The following PFAS variants were observed in gnomAD, a reference collection of about 807,000 sequenced individuals.
PFAS encodes FGAM synthase.
A neutral mutation model predicts 140.6 loss-of-function variants in PFAS; 97 were observed. The ratio of observed to expected loss-of-function variants is 0.69; its 90% confidence interval spans 0.59 to 0.82. The LOEUF (loss-of-function observed/expected upper bound fraction) is 0.82, where lower values mean the gene tolerates loss of function less well. Ranked by LOEUF, PFAS falls within the 40% of genes least tolerant of loss-of-function variation. PFAS has a pLI of 0.00. For synonymous variants in PFAS, 679 were observed against 718.8 expected (o/e 0.94, Z 0.88); for missense variants, 1,656 against 1,780.2 (o/e 0.93, Z 1.26).
chr17:8,261,901 A>G (rs773653852), intron 11 of PFAS, among the ~76,000 whole-genome samples: 3 of 151,812 alleles, frequency 2.0e-5, no homozygotes, highest in Non-Finnish European at 4.4e-5. Context: ...GAGTTCTCCC[A>G]CAGTTTCTAC....
In PFAS at chr17:8,270,320, G is replaced by A. The variant is rs1989971001; in HGVS notation, c.*1056G>A. ...TGCAAAGCACTGTCACCGGCCTCAG[G>A]GAGTTTATGTGTAATAGAATTAAAA... On this transcript the variant is annotated 3_prime_UTR_variant, in exon 28 of 28. Coordinates refer to ENST00000314666, the MANE Select transcript of PFAS (RefSeq NM_012393.3). 6.6e-6 allele frequency: 1 copy of A among 151,622 alleles called. No homozygotes were observed. The highest frequency in any genetic ancestry group is 2.4e-5 in the African/African-American group (1 of 40,912). 9.4% of individuals were successfully genotyped at this position (151,622 alleles called of 1,614,324 possible).
chr17:8,263,560 C>G lies in PFAS; in HGVS notation c.1568-15C>G. 6.2e-7 allele frequency: 1 copy of G among 1,612,080 alleles called. No homozygotes were observed. On this transcript the variant is annotated splice_polypyrimidine_tract_variant and intron_variant, in intron 13 of 27. Coordinates refer to ENST00000314666, the MANE Select transcript of PFAS (RefSeq NM_012393.3). ...ACCACTAGGTCACTGCTTCTCCTTG[C>G]AACCCTCTCACCAGGCAATGTCCTA...
At chr17:8,253,710 T>C (rs1989247405) in intron 1 of PFAS, 149 bp from the exon 2 acceptor site, 1 of 379,036 alleles carries the variant, frequency 2.6e-6, no homozygotes, top group Non-Finnish European at 4.5e-6. Context: ...CAGCTAATTT[T>C]ATATTTTTAG....
upstream of PFAS, among the ~76,000 whole-genome samples, chr17:8,248,410 A>ATT (rs35534210): frequency 0.02 from 1,355 of 67,588 alleles, 106 homozygotes; most frequent in African/African-American, 0.08. Flanking sequence ...CGCCCGGCTA[A>ATT]TTTTTTTTTT....
At position 8,268,605 on chromosome 17, in the gene PFAS, C is replaced by G; in HGVS notation, c.3455C>G (p.Thr1152Ser). 1 of 1,613,526 alleles carries G rather than the reference C, an allele frequency of 6.2e-7. No individual in the cohort carries two copies. Residue 1152 changes from threonine (T) to serine (S), a missense_variant, in exon 27 of 28, where the codon ACC (threonine) becomes AGC (serine). Thr to Ser is a moderately conservative substitution (Grantham distance 58). Coordinates refer to ENST00000314666, the MANE Select transcript of PFAS (RefSeq NM_012393.3). The part of the protein sequence containing the change: ...ELRRFRKRPD[T>S]FSLGVCNGCQ... ...AGGCGCTTCCGGAAGCGGCCAGACA[C>G]CTTCAGCCTGGGCGTGTGTAATGGC...
intron 11 of PFAS, among the ~76,000 whole-genome samples, chr17:8,259,119 CACT>C (rs990867426): frequency 4.5e-5 from 6 of 134,016 alleles, no homozygotes; most frequent in African/African-American, 1.0e-4. Context: ...GCGATCGCAC[CACT>C]GTCAAAAAAA....
At position 8,267,074 on chromosome 17, in the gene PFAS, G is replaced by T. The variant is rs1394464349; in HGVS notation, c.3014G>T (p.Gly1005Val). The change falls in exon 24 of 28, where the codon GGG becomes GTG. Residue 1005 changes from glycine (G) to valine (V), a missense_variant. Gly to Val is a moderately radical substitution (Grantham distance 109, BLOSUM62 -3). Around this residue, in one of 2 missense-constraint regions of PFAS, gnomAD observed 883 missense variants for 1,023.0 expected, o/e 0.86. Coordinates refer to ENST00000314666, the MANE Select transcript of PFAS (RefSeq NM_012393.3). The surrounding 1 kb of genome is among the most constrained non-coding windows in gnomAD (Gnocchi z 4.9). ...NGAVVLEEPV[G>V]ELRALWEETS... The stretch of plus-strand genomic sequence containing the variant: ...GCTGTGGTTCTGGAGGAGCCTGTTG[G>T]GGAGCTGCGAGCCCTCTGGGAGGAG... The T allele has an allele frequency of 6.2e-7, 1 of 1,614,046 alleles. No homozygotes were observed. Among genetic ancestry groups the T allele is most frequent in the South Asian group, 1.1e-5 (1 of 91,074 alleles).
chr17:8,256,153 C>T lies in PFAS; in HGVS notation c.681-114C>T, dbSNP rs1175760895. On this transcript the variant is annotated intron_variant, in intron 6 of 27. Transcript: ENST00000314666. ...CTTTTTGGAATATATTTTGATCTGTCATCTAAGTATGAATTTGGCTGTAAC... is the reference window on the plus strand; with the variant it reads ...CTTTTTGGAATATATTTTGATCTGTTATCTAAGTATGAATTTGGCTGTAAC... The T allele has an allele frequency of 5.9e-6, 6 of 1,025,418 alleles. No individual in the cohort carries two copies. In the African/African-American group the frequency reaches 8.1e-5, roughly 14 times the overall value. 63.5% of individuals were successfully genotyped at this position (1,025,418 alleles called of 1,614,324 possible). A position where few individuals can be genotyped will look rare whatever the true frequency, so the allele number is the denominator to read the frequency against.
Position 8,268,595 on chromosome 17 carries a change from C to G in PFAS, c.3445C>G (p.Arg1149Gly). 1 of 1,613,102 alleles carries G rather than the reference C, an allele frequency of 6.2e-7. No individual in the cohort carries two copies. Among genetic ancestry groups the G allele is most frequent in the East Asian group, 2.2e-5 (1 of 44,808 alleles). Residue 1149 changes from arginine (R) to glycine (G), a missense_variant, in exon 27 of 28, where the codon CGG becomes GGG. Around this residue, in one of 2 missense-constraint regions of PFAS, gnomAD observed 883 missense variants for 1,023.0 expected, o/e 0.86. Coordinates refer to ENST00000314666, the MANE Select transcript of PFAS (RefSeq NM_012393.3). ...GGCTGAGCTGAGGCGCTTCCGGAAG[C>G]GGCCAGACACCTTCAGCCTGGGCGT... ...AGAELRRFRK[R>G]PDTFSLGVCN...
At position 8,267,196 on chromosome 17, in the gene PFAS, C is replaced by G. The variant is rs753450953; in HGVS notation, c.3136C>G (p.Pro1046Ala). The stretch of plus-strand genomic sequence containing the variant: ...GCGGATGGGGCCCAGCTATTGCCTG[C>G]CCCCCACCTTTCCCAAAGCCTCCGT... ...RERMGPSYCL[P>A]PTFPKASVPR... Residue 1046 changes from proline to alanine, a missense_variant, in exon 24 of 28, where the codon CCC becomes GCC. By Grantham distance (27) the Pro-to-Ala change is conservative (BLOSUM62 -1). Around this residue, in one of 2 missense-constraint regions of PFAS, gnomAD observed 883 missense variants for 1,023.0 expected, o/e 0.86. Coordinates refer to ENST00000314666, the MANE Select transcript of PFAS (RefSeq NM_012393.3). This position sits in a 1 kb window ranked among gnomAD's most constrained non-coding sequence, Gnocchi z 4.9. 6.2e-7 allele frequency: 1 copy of G among 1,605,438 alleles called. No homozygotes were observed. Among genetic ancestry groups the G allele is most frequent in the Admixed American group, 1.7e-5 (1 of 58,636 alleles).
intron 9 of PFAS, among the ~76,000 whole-genome samples, chr17:8,257,523 G>A (rs182129351): frequency 1.3e-5 from 2 of 152,000 alleles, no homozygotes; most frequent in Non-Finnish European, 2.9e-5. Flanking sequence ...GCCACTGCAC[G>A]CTAGCCTGGG....
chr17:8,247,995 A>C (rs373483074), upstream of PFAS: 3 of 1,563,522 alleles, frequency 1.9e-6, 1 homozygote, highest in East Asian at 5.0e-5. Context: ...ACGTAATAGC[A>C]GCACTCACGG....
Position 8,267,677 on chromosome 17 carries a change from G to A in PFAS, c.3382+12G>A. The A allele has an allele frequency of 6.9e-7, 1 of 1,450,822 alleles. No homozygotes were observed. Among genetic ancestry groups the A allele is most frequent in the South Asian group, 1.2e-5 (1 of 86,274 alleles). 89.9% of individuals were successfully genotyped at this position (1,450,822 alleles called of 1,614,324 possible). On this transcript the variant is annotated intron_variant, in intron 26 of 27. Transcript: ENST00000314666. The surrounding 1 kb of genome is among the most constrained non-coding windows in gnomAD (Gnocchi z 4.9). The stretch of plus-strand genomic sequence containing the variant: ...GGGCTCTGCCAAAGGTCAGTGTGCA[G>A]GCTTCTGCCCACTCCCTTCCCCCAC...
In PFAS at chr17:8,266,587, A is replaced by G; in HGVS notation, c.2822-166A>G. On this transcript the variant is annotated intron_variant, in intron 22 of 27. Transcript: ENST00000314666. This position sits in a 1 kb window ranked among gnomAD's most constrained non-coding sequence, Gnocchi z 5.0. ...CCATCCCTGAGATGTCCATGATGAA[A>G]CATCCTCAGTCCTGCCGTCCTAGCC... 1 of 1,462,838 alleles carries G rather than the reference A, an allele frequency of 6.8e-7. No individual in the cohort carries two copies. Among genetic ancestry groups the G allele is most frequent in the Non-Finnish European group, 9.0e-7 (1 of 1,113,568 alleles). 90.6% of individuals were successfully genotyped at this position (1,462,838 alleles called of 1,614,324 possible). A position where few individuals can be genotyped will look rare whatever the true frequency, so the allele number is the denominator to read the frequency against.
In PFAS at chr17:8,265,997, T is replaced by C. The variant is rs776291829; in HGVS notation, c.2681T>C (p.Ile894Thr). 48 of 1,610,790 alleles carry C rather than the reference T, an allele frequency of 3.0e-5. No homozygotes were observed. The Admixed American group carries it at 7.9e-4, about 26-fold the overall frequency. ...GAGAACTTGGTGCGGGCCTTCAGCATCACTCAGGGGCTGCTGAAAGGTGAG... is the reference window on the plus strand; with the variant it reads ...GAGAACTTGGTGCGGGCCTTCAGCACCACTCAGGGGCTGCTGAAAGGTGAG... ...LPENLVRAFS[I>T]TQGLLKDRLL... The change falls in exon 21 of 28, where the codon ATC becomes ACC. Residue 894 changes from isoleucine to threonine, a missense_variant. By Grantham distance (89) the Ile-to-Thr change is moderately conservative. Around this residue, in one of 2 missense-constraint regions of PFAS, gnomAD observed 883 missense variants for 1,023.0 expected, o/e 0.86. Transcript: ENST00000314666.
chr17:8,256,449 G>T (rs1178382141), intron 7 of PFAS, 42 bp downstream of exon 7: 5 of 1,613,726 alleles, frequency 3.1e-6, no homozygotes, highest in African/African-American at 1.3e-5. Flanking sequence ...ACCCGGGGAG[G>T]GGAGGCCCCA....
intron 13 of PFAS, 124 bp from the exon 14 acceptor site, chr17:8,263,451 T>C (rs1989675633): frequency 9.8e-7 from 1 of 1,024,360 alleles, no homozygotes; most frequent in African/African-American, 1.6e-5. Context: ...TGATTGGTGG[T>C]AAGGGTGCGG....
At position 8,254,062 on chromosome 17, in the gene PFAS, A is replaced by G; in HGVS notation, c.125A>G (p.Tyr42Cys). 3 of 1,614,168 alleles carry G rather than the reference A, an allele frequency of 1.9e-6. No homozygotes were observed. Among genetic ancestry groups the G allele is most frequent in the Middle Eastern group, 1.6e-4 (1 of 6,062 alleles). The stretch of plus-strand genomic sequence containing the variant: ...CAGGGCGTCGAGACTGAACTGTGCT[A>G]CAACGTGAACTGGACAGGTTGGGCC... ...ELQGVETELC[Y>C]NVNWTAEALP... The change falls in exon 2 of 28, where the codon TAC becomes TGC. Residue 42 changes from tyrosine to cysteine, a missense_variant. By Grantham distance (194) the Tyr-to-Cys change is radical. This residue lies in a region of PFAS where 773 missense variants were observed against 757.3 expected (regional missense o/e 1.02). Coordinates refer to ENST00000314666, the MANE Select transcript of PFAS (RefSeq NM_012393.3).
In PFAS at chr17:8,263,814, G is replaced by C; in HGVS notation, c.1669G>C (p.Ala557Pro). 6.2e-7 allele frequency: 1 copy of C among 1,614,120 alleles called. No individual in the cohort carries two copies. Among genetic ancestry groups the C allele is most frequent in the East Asian group, 2.2e-5 (1 of 44,882 alleles). The change falls in exon 15 of 28, where the codon GCT becomes CCT. Residue 557 changes from alanine to proline, a missense_variant. Around this residue, in one of 2 missense-constraint regions of PFAS, gnomAD observed 773 missense variants for 757.3 expected, o/e 1.02. Transcript: ENST00000314666. ...PTLNALEIWGAEYQESNALLL... is the reference protein window; with the variant it reads ...PTLNALEIWGPEYQESNALLL... ...CCTGAATGCCCTGGAAATCTGGGGG[G>C]CTGAGTACCAGGAATCAAATGCTCT...
Sources: gnomAD v4.1 joint callset for allele counts (sites outside exome capture counted in the v4.1 genomes callset) on GRCh38, gnomAD v4.1.1 for gene constraint, gnomAD v4.1.1 regional missense constraint, Gnocchi (gnomAD v3.1) non-coding constraint, MANE v1.5 for transcripts, NCBI Gene and HGNC (gene_info 2026-07-23, HGNC 2026-07-21) for gene names.